Variants in PRPF3 observed in about 807,000 individuals in gnomAD.
The protein encoded by PRPF3 is pre-mRNA processing factor 3, also known as U4/U6 small nuclear ribonucleoprotein Prp3.
Under a neutral mutation model 89.2 loss-of-function variants are expected in PRPF3, and 3 were observed. The ratio of observed to expected loss-of-function variants is 0.03; its 90% CI spans 0.02 to 0.09. The LOEUF (loss-of-function observed/expected upper bound fraction) is 0.09. PRPF3 is among the 10% of genes least tolerant of loss of function. PRPF3 has a pLI of 1.00. For missense variants in PRPF3, 463 were observed against 828.8 expected, an observed-to-expected ratio of 0.56 and a Z score of 5.42; for synonymous variants, 270 against 289.1, an observed-to-expected ratio of 0.93 and a Z score of 0.67.
At chr1:150,349,407 G>A (rs587598423) in intron 15 of PRPF3, among the ~76,000 whole-genome samples, 189 bp downstream of exon 15, 5 of 152,250 alleles carry the variant, frequency 3.3e-5, no homozygotes, top group South Asian at 2.1e-4. Flanking sequence ...AATTAAATTC[G>A]TGAGTATTTA....
chr1:150,321,786 T>C (rs1655072095), intron 1 of PRPF3, among the ~76,000 whole-genome samples, 194 bp downstream of exon 1: 1 of 151,060 alleles, frequency 6.6e-6, no homozygotes. Context: ...GGAGACCGGG[T>C]TGGGAGACCA....
At chr1:150,337,759 G>A (rs868963163) in intron 7 of PRPF3, among the ~76,000 whole-genome samples, 4 of 80,972 alleles carry the variant, frequency 4.9e-5, no homozygotes, top group Middle Eastern at 0.013. Flanking sequence ...GTGAGACTCC[G>A]TCTACAAAAA....
intron 15 of PRPF3, among the ~76,000 whole-genome samples, chr1:150,352,127 T>TC (rs1440872521): frequency 6.6e-6 from 1 of 152,090 alleles, no homozygotes; most frequent in Non-Finnish European, 1.5e-5. Flanking sequence ...CTTCTTCTGT[T>TC]CCCCGCCCCC....
At chr1:150,337,936 T>C (rs1269161956) in intron 7 of PRPF3, among the ~76,000 whole-genome samples, 1 of 151,716 alleles carries the variant, frequency 6.6e-6, no homozygotes, top group African/African-American at 2.4e-5. Context: ...TAGCTGAGGG[T>C]GGTGGCACAT....
chr1:150,352,797 A>G, intron 15 of PRPF3, 36 bp from the exon 16 acceptor site: 1 of 1,603,434 alleles, frequency 6.2e-7, no homozygotes, highest in Non-Finnish European at 8.5e-7. Context: ...TTTAAATAAG[A>G]AATTGAAGTG....
Position 150,332,905 on chromosome 1 carries a change from G to A in PRPF3, c.508-74G>A, listed in dbSNP as rs1269107529. The A allele has an allele frequency of 2.0e-6, 3 of 1,496,566 alleles. No homozygotes were observed. In the African/African-American group the frequency reaches 4.1e-5, roughly 21 times the overall value. The allele number at this position is 1,496,566 out of a possible 1,614,324, so 92.7% of individuals were successfully genotyped here. A position where few individuals can be genotyped will look rare whatever the true frequency, so the allele number is the denominator to read the frequency against. ...TGCTACAGTCTACCATGATGTGTGT[G>A]TATATCTGTGTGTATGTATGTGTGT... On this transcript the variant is annotated intron_variant, in intron 5 of 15. Transcript: ENST00000324862.
chr1:150,339,737 GTTTT>G (rs71578484), intron 8 of PRPF3, among the ~76,000 whole-genome samples: 2 of 110,264 alleles, frequency 1.8e-5, no homozygotes, highest in East Asian at 5.4e-4. Context: ...CACGCCTGGC[GTTTT>G]TTTTTTTTTT....
chr1:150,331,423 G>A (rs1204185658), intron 4 of PRPF3, among the ~76,000 whole-genome samples: 12 of 151,886 alleles, frequency 7.9e-5, no homozygotes, highest in Non-Finnish European at 1.6e-4. Context: ...GGAGTGCAGT[G>A]GCATGATCTT....
At chr1:150,328,249 G>T in intron 3 of PRPF3, 71 bp from the exon 4 acceptor site, 2 of 1,580,258 alleles carry the variant, frequency 1.3e-6, no homozygotes, top group South Asian at 1.1e-5. Flanking sequence ...ATGCTGGTAG[G>T]GGCTAGGATA....
intron 3 of PRPF3, among the ~76,000 whole-genome samples, chr1:150,326,108 T>A (rs1553863695): frequency 6.6e-6 from 1 of 152,228 alleles, no homozygotes; most frequent in Non-Finnish European, 1.5e-5. Flanking sequence ...CTTTGTCTTT[T>A]TTTAGATAAC....
intron 1 of PRPF3, among the ~76,000 whole-genome samples, chr1:150,323,441 A>ACCTGG (rs1446520013): frequency 1.3e-5 from 2 of 151,536 alleles, no homozygotes; most frequent in African/African-American, 4.8e-5. Context: ...GTAAGGCATT[A>ACCTGG]CCTGGCCGAT....
chr1:150,338,696 A>G (rs1553869029), intron 8 of PRPF3, among the ~76,000 whole-genome samples: 1 of 151,736 alleles, frequency 6.6e-6, no homozygotes, highest in African/African-American at 2.4e-5. Flanking sequence ...TGTATTTTTG[A>G]TAGAGACAGG....
Position 150,338,495 on chromosome 1 carries a change from G to GTATTTTTT in PRPF3, c.1202+170_1202+171insATTTTTTT, listed in dbSNP as rs1467846345. 3.1e-4 allele frequency among the ~76,000 whole-genome samples: 11 copies of GTATTTTTT among 35,760 alleles called. 5 individuals carry two copies. The highest frequency in any genetic ancestry group is 3.5e-4 in the Non-Finnish European group (6 of 17,264). 23.5% of individuals were successfully genotyped at this position (35,760 alleles called of 152,430 possible). ...GATAAGTAACTGTACACAAGGTCCT[G>GTATTTTTT]TTATTTTTTTTTTTTTTTTTTTTGA... On this transcript the variant is annotated intron_variant, in intron 8 of 15. Coordinates refer to ENST00000324862, the MANE Select transcript of PRPF3 (RefSeq NM_004698.4).
rs377650420 is a variant in PRPF3 at position 150,333,018 on chromosome 1, A to G, written c.547A>G (p.Ile183Val). 5.0e-6 allele frequency: 8 copies of G among 1,613,854 alleles called. No homozygotes were observed. Among genetic ancestry groups the G allele is most frequent in the African/African-American group, 2.7e-5 (2 of 74,910 alleles). ...TTCCTCCCAACCAGAACGACTTCCT[A>G]TTGGCAACACTATTCAGCCCTCCCA... ...PSSSQPERLP[I>V]GNTIQPSQAA... Residue 183 changes from isoleucine to valine, a missense_variant, in exon 6 of 16, where the codon ATT becomes GTT. Transcript: ENST00000324862.
rs1226386142 is a variant in PRPF3 at position 150,344,098 on chromosome 1, T to G, written c.1427-64T>G. 5.0e-6 allele frequency: 7 copies of G among 1,400,006 alleles called. No individual in the cohort carries two copies. In the Admixed American group the frequency reaches 6.8e-5, roughly 14 times the overall value. The allele number at this position is 1,400,006 out of a possible 1,614,324, so 86.7% of individuals were successfully genotyped here. A position where few individuals can be genotyped will look rare whatever the true frequency, so the allele number is the denominator to read the frequency against. On this transcript the variant is annotated intron_variant, in intron 10 of 15. Coordinates refer to ENST00000324862, the MANE Select transcript of PRPF3 (RefSeq NM_004698.4). ...ATAATATGAATTGGTATGGAAGAAA[T>G]AACAAGTTACTCCAGCTGGAGAAGT...
chr1:150,347,806 T>C (rs1181961710), intron 14 of PRPF3, among the ~76,000 whole-genome samples: 1 of 152,126 alleles, frequency 6.6e-6, no homozygotes, highest in Non-Finnish European at 1.5e-5. Flanking sequence ...TTTCTCAGAA[T>C]ACTTAGATTA....
chr1:150,323,584 A>G (rs1655345087), intron 1 of PRPF3, among the ~76,000 whole-genome samples: 1 of 150,610 alleles, frequency 6.6e-6, no homozygotes, highest in African/African-American at 2.4e-5. Context: ...GCAGTGAACC[A>G]AGATTACGCC....
chr1:150,323,762 A>G (rs1655370745), intron 1 of PRPF3, among the ~76,000 whole-genome samples: 1 of 148,280 alleles, frequency 6.7e-6, no homozygotes, highest in Non-Finnish European at 1.5e-5. Flanking sequence ...GACCACAGAG[A>G]AATGTGACAG....
At chr1:150,345,984 A>G (rs1658238658) in intron 12 of PRPF3, 34 bp from the exon 13 acceptor site, 1 of 1,540,332 alleles carries the variant, frequency 6.5e-7, no homozygotes, top group Non-Finnish European at 9.0e-7. Context: ...CTGATGCTAA[A>G]ATGGAAGACA....
Sources: gnomAD v4.1 joint callset for allele counts (sites outside exome capture counted in the v4.1 genomes callset) on GRCh38, gnomAD v4.1.1 for gene constraint, MANE v1.5 for transcripts, NCBI Gene and HGNC (gene_info 2026-07-23, HGNC 2026-07-21) for gene names.